NDC1: variants seen among roughly 807,000 people sequenced by gnomAD.
NDC1 encodes nucleoporin NDC1.
A neutral mutation model predicts 89.8 loss-of-function variants in NDC1; 24 were observed. The observed-to-expected ratio is 0.27, with a 90% confidence interval of 0.19 to 0.38. The LOEUF is 0.38. Among genes scored for constraint, NDC1 ranks in the 10% least tolerant of loss-of-function variants. The probability of loss-of-function intolerance (pLI) is 1.00; values close to 1 mark genes in which losing one functional copy is unlikely to be tolerated. For missense variants in NDC1, 728 were observed against 797.6 expected, an observed-to-expected ratio of 0.91 and a Z score of 1.05; for synonymous variants, 296 against 284.8, an observed-to-expected ratio of 1.04 and a Z score of -0.39.
At chr1:53,813,866 A>G (rs983491038) in intron 6 of NDC1, among the ~76,000 whole-genome samples, 4 of 152,232 alleles carry the variant, frequency 2.6e-5, no homozygotes, top group African/African-American at 4.8e-5. Context: ...AAGATAGACC[A>G]TATGATAGGC....
intron 13 of NDC1, 79 bp downstream of exon 13, chr1:53,796,610 C>T: frequency 1.4e-6 from 1 of 726,120 alleles, no homozygotes; most frequent in Non-Finnish European, 2.1e-6. Flanking sequence ...CTTCTTATTC[C>T]TGATGACTTA....
chr1:53,812,502 G>A (rs1270067060), intron 6 of NDC1, among the ~76,000 whole-genome samples: 1 of 152,092 alleles, frequency 6.6e-6, no homozygotes, highest in Non-Finnish European at 1.5e-5. Context: ...TTAACAAGTA[G>A]AAGAAATTCA....
At chr1:53,805,072 C>G (rs534489926) in intron 9 of NDC1, among the ~76,000 whole-genome samples, 51 of 152,116 alleles carry the variant, frequency 3.4e-4, no homozygotes, top group Non-Finnish European at 5.1e-4. Flanking sequence ...TTTTAAGTTT[C>G]TCTAACAAAT....
intron 2 of NDC1, 63 bp from the exon 3 acceptor site, chr1:53,832,654 T>C: frequency 3.8e-6 from 3 of 795,326 alleles, no homozygotes; most frequent in South Asian, 1.6e-5. Context: ...TTCAGGACAC[T>C]GCAATATAAA....
At chr1:53,792,486 G>C (rs148919684) in intron 14 of NDC1, among the ~76,000 whole-genome samples, 111 of 152,292 alleles carry the variant, frequency 7.3e-4, no homozygotes, top group African/African-American at 2.6e-3. Context: ...TTCCACCAGA[G>C]TATGACTCCG....
intron 4 of NDC1, among the ~76,000 whole-genome samples, chr1:53,827,354 G>A (rs1015194308): frequency 6.6e-6 from 1 of 151,490 alleles, no homozygotes; most frequent in Non-Finnish European, 1.5e-5. Context: ...ATAGGGCACT[G>A]CAGCCTCTAA....
intron 3 of NDC1, among the ~76,000 whole-genome samples, chr1:53,830,687 C>T (rs1302772408): frequency 2.0e-4 from 30 of 150,714 alleles, no homozygotes; most frequent in Non-Finnish European, 4.4e-5. Context: ...ATGGAGAAAT[C>T]CCATCTCTAC....
chr1:53,794,347 C>A (rs1647623932), intron 13 of NDC1, among the ~76,000 whole-genome samples: 1 of 152,186 alleles, frequency 6.6e-6, no homozygotes, highest in African/African-American at 2.4e-5. Context: ...GCTAACCCAA[C>A]TAACTTAAAA....
rs141320479 is a variant in NDC1 at position 53,792,178 on chromosome 1, G to A, written c.1635+1051C>T. Among the ~76,000 whole-genome samples the A allele has an allele frequency of 6.5e-3, 995 of 152,150 alleles. 12 individuals are homozygous for A. Among genetic ancestry groups the A allele is most frequent in the African/African-American group, 0.023 (939 of 41,518 alleles). ...AGGATGGTCTTGATCTCCTGACCTCGTGATCCGCCCGCCTTGGCCTCCAAA... is the reference window on the plus strand; with the variant it reads ...AGGATGGTCTTGATCTCCTGACCTCATGATCCGCCCGCCTTGGCCTCCAAA... On this transcript the variant is annotated intron_variant, in intron 14 of 17. Coordinates refer to ENST00000371429, the MANE Select transcript of NDC1 (RefSeq NM_018087.5).
At chr1:53,820,363 A>G (rs1471076353) in intron 5 of NDC1, among the ~76,000 whole-genome samples, 1 of 152,160 alleles carries the variant, frequency 6.6e-6, no homozygotes, top group African/African-American at 2.4e-5. Flanking sequence ...GCTTGATCTA[A>G]GAAAAAGGAA....
In NDC1 at chr1:53,796,898, C is replaced by T; in HGVS notation, c.1468+1G>A. ...AATCTTAAAAAATATATAATTCTCA[C>T]CAGAAGCTGATGTCCACAATCTTGG... On this transcript the variant is annotated splice_donor_variant, in intron 12 of 17. Transcript: ENST00000371429. LOFTEE classifies it high-confidence loss of function. The T allele has an allele frequency of 6.2e-7, 1 of 1,613,402 alleles. No homozygotes were observed. Among genetic ancestry groups the T allele is most frequent in the Non-Finnish European group, 8.5e-7 (1 of 1,179,810 alleles).
At chr1:53,825,038 G>C (rs1264202323) in intron 5 of NDC1, among the ~76,000 whole-genome samples, 1 of 152,072 alleles carries the variant, frequency 6.6e-6, no homozygotes, top group South Asian at 2.1e-4. Flanking sequence ...GCCAGGCACA[G>C]TGGTGCACAC....
At chr1:53,823,588 G>A (rs987247798) in intron 5 of NDC1, among the ~76,000 whole-genome samples, 1 of 152,168 alleles carries the variant, frequency 6.6e-6, no homozygotes, top group Non-Finnish European at 1.5e-5. Context: ...GGGGACCATG[G>A]AGGTCCAGCA....
chr1:53,797,675 A>C lies in NDC1; in HGVS notation c.1223-531T>G, dbSNP rs1025292314. On this transcript the variant is annotated intron_variant, in intron 11 of 17. Transcript: ENST00000371429. ...GTCAGGATCTTGCTCTGTAGCCCAG[A>C]TTGGAGTGCAGTGGTGTAATCTCGG... Among the ~76,000 whole-genome samples, 11 of 152,022 alleles carry C rather than the reference A, an allele frequency of 7.2e-5. No individual in the cohort carries two copies. The East Asian group carries it at 2.1e-3, about 29-fold the overall frequency.
At chr1:53,819,931 T>C (rs1648608013) in intron 5 of NDC1, among the ~76,000 whole-genome samples, 1 of 151,266 alleles carries the variant, frequency 6.6e-6, no homozygotes, top group Non-Finnish European at 1.5e-5. Flanking sequence ...ATACTAATGA[T>C]AGCTGATGAG....
intron 14 of NDC1, among the ~76,000 whole-genome samples, chr1:53,789,446 G>T (rs1044168472): frequency 2.0e-5 from 3 of 152,320 alleles, no homozygotes; most frequent in Non-Finnish European, 4.4e-5. Flanking sequence ...CCAATTTAAA[G>T]TTACATATAC....
intron 5 of NDC1, among the ~76,000 whole-genome samples, chr1:53,822,435 A>G (rs7554459): frequency 1.0e-3 from 157 of 152,258 alleles, no homozygotes; most frequent in African/African-American, 3.7e-3. Context: ...CACAAAATAT[A>G]TAATGTTATA....
chr1:53,768,353 A>T (rs528820223), intron 17 of NDC1, among the ~76,000 whole-genome samples: 1 of 152,294 alleles, frequency 6.6e-6, no homozygotes, highest in East Asian at 1.9e-4. Context: ...TCTGGATTTT[A>T]TTATTTTATT....
intron 6 of NDC1, among the ~76,000 whole-genome samples, chr1:53,812,067 G>C (rs1326889072): frequency 6.6e-6 from 1 of 152,186 alleles, no homozygotes; most frequent in African/African-American, 2.4e-5. Context: ...GGAGAGTACT[G>C]CATCAAAGGA....
Sources: allele counts gnomAD v4.1 joint callset (sites outside exome capture counted in the v4.1 genomes callset), GRCh38; gene constraint gnomAD v4.1.1; transcripts MANE v1.5; gene names NCBI Gene and HGNC (gene_info 2026-07-23, HGNC 2026-07-21).